THSD1: variants seen among roughly 807,000 people sequenced by gnomAD.
THSD1 encodes thrombospondin type-1 domain-containing protein 1.
A neutral mutation model predicts 46.3 loss-of-function variants in THSD1; 34 were observed. The ratio of observed to expected loss-of-function variants is 0.74; its 90% CI spans 0.56 to 0.98. The LOEUF (loss-of-function observed/expected upper bound fraction) is 0.98, where lower values mean the gene tolerates loss of function less well. Ranked by LOEUF, THSD1 falls within the 50% of genes least tolerant of loss-of-function variation. The probability of loss-of-function intolerance (pLI) is 0.00; values close to 1 mark genes in which losing one functional copy is unlikely to be tolerated. For synonymous variants in THSD1, 407 were observed against 416.5 expected (o/e 0.98, Z 0.28); for missense variants, 1,023 against 1,058.3 (o/e 0.97, Z 0.46).
Position 52,378,581 on chromosome 13 carries a change from C to T in THSD1, c.1389G>A (p.Ser463=), listed in dbSNP as rs1025865728. 7.4e-6 allele frequency: 12 copies of T among 1,614,038 alleles called. No homozygotes were observed. The highest frequency in any genetic ancestry group is 1.1e-5 in the South Asian group (1 of 91,084). Residue 463 remains serine, a synonymous_variant, in exon 5 of 5, where the codon TCG becomes TCA. Transcript: ENST00000258613. Reference sequence around the variant, plus strand: ...TCAGCTCGCAGATATTCTCCTCGTCCGAGTTCTTCCGGAAGCTGGGGGAGT... The same window carrying T: ...TCAGCTCGCAGATATTCTCCTCGTCTGAGTTCTTCCGGAAGCTGGGGGAGT... ...SIHSPSFRKN[S]DEENICELSE...
At chr13:52,402,450 C>G (rs1352837081) in intron 2 of THSD1, 93 bp downstream of exon 2, 1 of 1,282,894 alleles carries the variant, frequency 7.8e-7, no homozygotes, top group African/African-American at 1.5e-5. Flanking sequence ...TACCCTGCCT[C>G]CTTCAGGAAG....
chr13:52,386,332 G>T, intron 3 of THSD1, 146 bp from the exon 4 acceptor site: 1 of 783,290 alleles, frequency 1.3e-6, no homozygotes, highest in Non-Finnish European at 2.0e-6. Context: ...AAGCTGAAAA[G>T]AGTTGCTCCT....
At chr13:52,382,587 G>A (rs1366044598) in intron 4 of THSD1, among the ~76,000 whole-genome samples, 1 of 152,062 alleles carries the variant, frequency 6.6e-6, no homozygotes, top group African/African-American at 2.4e-5. Flanking sequence ...ACTACTTTCA[G>A]TTCTCCAGGT....
At chr13:52,387,183 G>T (rs1315308214) in intron 3 of THSD1, among the ~76,000 whole-genome samples, 12 of 152,168 alleles carry the variant, frequency 7.9e-5, no homozygotes, top group African/African-American at 2.9e-4. Context: ...ACAGAAGCAT[G>T]GAGGAAACCC....
In THSD1 at chr13:52,378,221, G is replaced by A; in HGVS notation, c.1749C>T (p.Asn583=). 1.2e-6 allele frequency: 2 copies of A among 1,614,238 alleles called. No individual in the cohort carries two copies. The highest frequency in any genetic ancestry group is 1.7e-6 in the Non-Finnish European group (2 of 1,180,050). Residue 583 remains asparagine, a synonymous_variant, in exon 5 of 5, where the codon AAC becomes AAT. Coordinates refer to ENST00000258613, the MANE Select transcript of THSD1 (RefSeq NM_018676.4). ...GAAATGGGGATTTGATCCGGAACTTGTTTGCTGCAGCTTCTTCCGGGCTTT... is the reference window on the plus strand; with the variant it reads ...GAAATGGGGATTTGATCCGGAACTTATTTGCTGCAGCTTCTTCCGGGCTTT... ...DLESPEEAAA[N]KFRIKSPFPE...
Position 52,397,759 on chromosome 13 carries a change from A to T in THSD1, c.494T>A (p.Ile165Asn). 3 of 1,614,198 alleles carry T rather than the reference A, an allele frequency of 1.9e-6. No individual in the cohort carries two copies. Among genetic ancestry groups the T allele is most frequent in the Non-Finnish European group, 2.5e-6 (3 of 1,180,044 alleles). Reference protein sequence around the residue: ...LCPFPVDKPNIVVDVIFTNSL... With the variant: ...LCPFPVDKPNNVVDVIFTNSL... The stretch of plus-strand genomic sequence containing the variant: ...GTTGGTGAAGATGACATCCACTACG[A>T]TGTTGGGCTTGTCCACAGGAAACGG... Residue 165 changes from isoleucine to asparagine, a missense_variant, in exon 3 of 5, where the codon ATC (isoleucine) becomes AAC (asparagine). By Grantham distance (149) the Ile-to-Asn change is moderately radical. This residue lies in a region of THSD1 where 429 missense variants were observed against 518.3 expected (regional missense o/e 0.83). Coordinates refer to ENST00000258613, the MANE Select transcript of THSD1 (RefSeq NM_018676.4).
chr13:52,386,827 A>T (rs1316618032), intron 3 of THSD1, among the ~76,000 whole-genome samples: 1 of 152,132 alleles, frequency 6.6e-6, no homozygotes, highest in East Asian at 1.9e-4. Context: ...AAGGCCTCAA[A>T]CCCTATTATC....
intron 4 of THSD1, among the ~76,000 whole-genome samples, chr13:52,380,612 A>G (rs1250870617): frequency 6.6e-6 from 1 of 150,816 alleles, no homozygotes; most frequent in Admixed American, 6.6e-5. Context: ...ACGCCTCACT[A>G]AATTTTTTTG....
chr13:52,383,000 C>CA (rs540839249), intron 4 of THSD1, among the ~76,000 whole-genome samples: 139 of 139,984 alleles, frequency 9.9e-4, no homozygotes, highest in African/African-American at 1.5e-3. Flanking sequence ...GACTCTGTCT[C>CA]AAAAAAAAAA....
chr13:52,377,405 C>T lies in THSD1; in HGVS notation c.*6G>A, dbSNP rs1957640886. 3.9e-6 allele frequency: 6 copies of T among 1,539,410 alleles called. No homozygotes were observed. The highest frequency in any genetic ancestry group is 3.5e-6 in the Non-Finnish European group (4 of 1,138,740). ...CAGCTGTGTAAAGCTCAGGCTGATT[C>T]TCAGTCTAGATCACCAGCTTCTCCA... On this transcript the variant is annotated 3_prime_UTR_variant, in exon 5 of 5. Transcript: ENST00000258613.
chr13:52,381,363 G>C (rs770004374), intron 4 of THSD1, among the ~76,000 whole-genome samples: 53 of 152,162 alleles, frequency 3.5e-4, no homozygotes, highest in Non-Finnish European at 6.8e-4. Context: ...ATGCAGGTCA[G>C]TGCCCCTGCG....
At chr13:52,398,793 T>C (rs950495206) in intron 2 of THSD1, among the ~76,000 whole-genome samples, 3 of 152,238 alleles carry the variant, frequency 2.0e-5, no homozygotes, top group African/African-American at 7.2e-5. Flanking sequence ...AAAAACCCAG[T>C]ATCTCATATT....
rs1957825959 is a variant in THSD1, at chr13:52,398,103, A to G, written c.150T>C (p.Asp50=). 6.2e-7 allele frequency: 1 copy of G among 1,614,120 alleles called. No individual in the cohort carries two copies. The part of the protein sequence containing the change: ...DTVYVDFQYF[D]GANGTLRNVS... ...CATTCCTCAGTGTCCCATTAGCACC[A>G]TCAAAATACTGGAAATCCACATACA... Residue 50 remains aspartate, a synonymous_variant, in exon 3 of 5, where the codon GAT becomes GAC. Coordinates refer to ENST00000258613, the MANE Select transcript of THSD1 (RefSeq NM_018676.4).
rs1218462261 is a variant in THSD1, at chr13:52,377,599, T to C, written c.2371A>G (p.Ser791Gly). The C allele has an allele frequency of 6.2e-7, 1 of 1,604,324 alleles. No homozygotes were observed. Among genetic ancestry groups the C allele is most frequent in the Non-Finnish European group, 8.5e-7 (1 of 1,173,248 alleles). ...KDNYQRVSSLSPSQCRKDKCQ... is the reference protein window; with the variant it reads ...KDNYQRVSSLGPSQCRKDKCQ... ...TTGTCTTTTCTACACTGAGAAGGGC[T>C]CAGAGAACTGACCCTCTGGTAGTTA... The change falls in exon 5 of 5, where the codon AGC (serine) becomes GGC (glycine). Residue 791 changes from serine (S) to glycine (G), a missense_variant. Transcript: ENST00000258613.
chr13:52,397,732 C>T lies in THSD1; in HGVS notation c.521G>A (p.Ser174Asn). The T allele has an allele frequency of 6.2e-7, 1 of 1,614,230 alleles. No individual in the cohort carries two copies. The highest frequency in any genetic ancestry group is 8.5e-7 in the Non-Finnish European group (1 of 1,180,044). ...TGAATTTCTTCTTGCCTCAGGAAGA[C>T]TGTTGGTGAAGATGACATCCACTAC... ...NIVVDVIFTN[S>N]LPEARRNSRQ... is the part of the protein sequence containing the mutation. The change falls in exon 3 of 5, where the codon AGT (serine) becomes AAT (asparagine). Residue 174 changes from serine (S) to asparagine (N), a missense_variant. Physicochemically the swap from Ser to Asn is conservative, Grantham distance 46. Transcript: ENST00000258613.
At chr13:52,379,322 T>A (rs1489060550) in intron 4 of THSD1, among the ~76,000 whole-genome samples, 1 of 151,994 alleles carries the variant, frequency 6.6e-6, no homozygotes, top group Non-Finnish European at 1.5e-5. Context: ...CCAAACAAGA[T>A]CACCAAAGGG....
chr13:52,380,071 C>T (rs1442079390), intron 4 of THSD1, among the ~76,000 whole-genome samples: 1 of 152,130 alleles, frequency 6.6e-6, no homozygotes, highest in Non-Finnish European at 1.5e-5. Context: ...ACTCCCCTTC[C>T]TACCTTCCAT....
At chr13:52,394,386 G>A (rs1461219510) in intron 3 of THSD1, among the ~76,000 whole-genome samples, 1 of 152,178 alleles carries the variant, frequency 6.6e-6, no homozygotes, top group Non-Finnish European at 1.5e-5. Flanking sequence ...GGCCGAGGCA[G>A]GTGGATCACC....
intron 2 of THSD1, 136 bp downstream of exon 2, chr13:52,402,407 G>A: frequency 1.7e-6 from 1 of 575,194 alleles, no homozygotes; most frequent in Non-Finnish European, 2.9e-6. Context: ...GGTTGCAAGG[G>A]TCACAGTTGA....
Sources: allele counts gnomAD v4.1 joint callset (sites outside exome capture counted in the v4.1 genomes callset), GRCh38; gene constraint gnomAD v4.1.1; regional missense constraint gnomAD v4.1.1; transcripts MANE v1.5; gene names NCBI Gene and HGNC (gene_info 2026-07-23, HGNC 2026-07-21).